ZC3H18: variants seen among roughly 807,000 people sequenced by gnomAD.
The protein encoded by ZC3H18 is zinc finger CCCH domain-containing protein 18.
Under a neutral mutation model 106.1 loss-of-function variants are expected in ZC3H18, and 8 were observed. That is an observed-to-expected ratio of 0.08 (90% confidence interval 0.04 to 0.14). ZC3H18 has a LOEUF of 0.14. ZC3H18 is among the 10% of genes least tolerant of loss of function. The probability of loss-of-function intolerance (pLI) is 1.00; values close to 1 mark genes in which losing one functional copy is unlikely to be tolerated. For missense variants in ZC3H18, 1,318 were observed against 1,278.4 expected, an observed-to-expected ratio of 1.03 and a Z score of -0.47; for synonymous variants, 635 against 522.1, an observed-to-expected ratio of 1.22 and a Z score of -2.95.
At chr16:88,618,097 T>G (rs1905735921) in intron 8 of ZC3H18, among the ~76,000 whole-genome samples, 1 of 152,198 alleles carries the variant, frequency 6.6e-6, no homozygotes, top group Non-Finnish European at 1.5e-5. Context: ...GCGCTGAGAC[T>G]GGCTCTTGCA....
chr16:88,571,729 A>G (rs1252736803), intron 1 of ZC3H18: 1 of 966,626 alleles, frequency 1.0e-6, no homozygotes, highest in Non-Finnish European at 1.2e-6. Flanking sequence ...TGTCACAGCT[A>G]CAGAGCATCT....
chr16:88,571,480 C>T (rs1223000429), intron 1 of ZC3H18: 2 of 331,430 alleles, frequency 6.0e-6, no homozygotes, highest in Non-Finnish European at 8.6e-6. Context: ...TTGACCTCGG[C>T]TGAATCCCGC....
At chr16:88,581,807 C>G (rs115071137) in intron 2 of ZC3H18, among the ~76,000 whole-genome samples, 202 of 152,356 alleles carry the variant, frequency 1.3e-3, no homozygotes, top group African/African-American at 4.7e-3. Context: ...CTCCCCAGAA[C>G]CACCTTTCCT....
intron 1 of ZC3H18, among the ~76,000 whole-genome samples, chr16:88,570,822 C>T (rs1011570209): frequency 6.6e-6 from 1 of 152,176 alleles, no homozygotes; most frequent in Non-Finnish European, 1.5e-5. Flanking sequence ...TCGCGCGCTG[C>T]CTCCGCGCCC....
chr16:88,623,972 C>A lies in ZC3H18; in HGVS notation c.1808C>A (p.Ser603Tyr), dbSNP rs748260869. Reference protein sequence around the residue: ...SGSRSRSRSFSSSPSPSPTPS... With the variant: ...SGSRSRSRSFYSSPSPSPTPS... ...CACTCCCCTAGGTCCCGGTCCTTCT[C>A]TTCGTCCCCGTCCCCGTCCCCAACA... Residue 603 changes from serine to tyrosine, a missense_variant, in exon 11 of 18, where the codon TCT (serine) becomes TAT (tyrosine). Around this residue, in one of 6 missense-constraint regions of ZC3H18, gnomAD observed 848 missense variants for 821.7 expected, o/e 1.03. Coordinates refer to ENST00000301011, the MANE Select transcript of ZC3H18 (RefSeq NM_144604.4). The A allele has an allele frequency of 6.2e-7, 1 of 1,612,672 alleles. No homozygotes were observed.
At chr16:88,611,568 G>T in intron 8 of ZC3H18, 32 bp downstream of exon 8, 6 of 1,544,544 alleles carry the variant, frequency 3.9e-6, no homozygotes, top group South Asian at 2.4e-5. Flanking sequence ...CCAGGGGTGT[G>T]GGGGAGGTCC....
intron 16 of ZC3H18, 136 bp downstream of exon 16, chr16:88,628,990 G>A: frequency 1.3e-6 from 1 of 779,336 alleles, no homozygotes. Flanking sequence ...GATGATGCCT[G>A]TCGGTATTTA....
chr16:88,628,330 C>T (rs1488306837), intron 15 of ZC3H18, among the ~76,000 whole-genome samples: 1 of 152,010 alleles, frequency 6.6e-6, no homozygotes, highest in Non-Finnish European at 1.5e-5. Flanking sequence ...GTGCTGCTGG[C>T]CTCTCTCTGA....
In ZC3H18 at chr16:88,630,522, C is replaced by T. The variant is rs1312995201; in HGVS notation, c.2604C>T (p.Ser868=). ...GGAAGTCAGGTGGGAGACTGGGCTCCCCGAAGCCAGAGCGGCAGAGAGGCC... is the reference window on the plus strand; with the variant it reads ...GGAAGTCAGGTGGGAGACTGGGCTCTCCGAAGCCAGAGCGGCAGAGAGGCC... ...RDRKSGGRLG[S]PKPERQRGQN... Residue 868 remains serine (S), a synonymous_variant, in exon 17 of 18, where the codon TCC becomes TCT. Transcript: ENST00000301011. 2 of 1,613,354 alleles carry T rather than the reference C, an allele frequency of 1.2e-6. No individual in the cohort carries two copies. The highest frequency in any genetic ancestry group is 1.1e-5 in the South Asian group (1 of 90,934).
At chr16:88,574,667 ATTTTTTT>A (rs35816940) in intron 1 of ZC3H18, among the ~76,000 whole-genome samples, 11 of 79,858 alleles carry the variant, frequency 1.4e-4, no homozygotes, top group Admixed American at 4.4e-4. Flanking sequence ...CACCCAGCTA[ATTTTTTT>A]TTTTTTTTTT....
At position 88,586,751 on chromosome 16, in the gene ZC3H18, G is replaced by C. The variant is rs116632930; in HGVS notation, c.688+67G>C. Reference sequence around the variant, plus strand: ...CCCCACCTTCTGGGGCTGTGGTGCTGGCTCACCTTGCCAGGCCCTGCTCTG... The same window carrying C: ...CCCCACCTTCTGGGGCTGTGGTGCTCGCTCACCTTGCCAGGCCCTGCTCTG... On this transcript the variant is annotated intron_variant, in intron 3 of 17. Transcript: ENST00000301011. 2.0e-3 allele frequency: 2,613 copies of C among 1,311,716 alleles called. 33 individuals carry two copies. In the African/African-American group the frequency reaches 0.03, roughly 15 times the overall value. The allele number at this position is 1,311,716 out of a possible 1,614,324, so 81.3% of individuals were successfully genotyped here.
chr16:88,591,039 C>T (rs1371990921), intron 3 of ZC3H18, among the ~76,000 whole-genome samples: 3 of 150,428 alleles, frequency 2.0e-5, no homozygotes, highest in Non-Finnish European at 1.5e-5. Flanking sequence ...GGCACCATCT[C>T]GGCTCACTGC....
rs1906140986 is a variant in ZC3H18, at chr16:88,624,063, G to A, written c.1898+1G>A. ...CGGCCCCGCCGCCCGGGAAAGCAGG[G>A]TGAGTGCCCAGCCTGTGGGCAAGTC... On this transcript the variant is annotated splice_donor_variant, in intron 11 of 17. Coordinates refer to ENST00000301011, the MANE Select transcript of ZC3H18 (RefSeq NM_144604.4). LOFTEE classifies it high-confidence loss of function. 6.2e-7 allele frequency: 1 copy of A among 1,613,704 alleles called. No individual in the cohort carries two copies. Among genetic ancestry groups the A allele is most frequent in the Admixed American group, 1.7e-5 (1 of 59,978 alleles).
chr16:88,582,883 T>C (rs949545813), intron 2 of ZC3H18, among the ~76,000 whole-genome samples: 2 of 152,234 alleles, frequency 1.3e-5, no homozygotes, highest in African/African-American at 4.8e-5. Flanking sequence ...TGCACAGGAT[T>C]GCTGTGTACC....
intron 8 of ZC3H18, among the ~76,000 whole-genome samples, chr16:88,615,547 T>G (rs1379880524): frequency 6.6e-6 from 1 of 152,228 alleles, no homozygotes; most frequent in Non-Finnish European, 1.5e-5. Context: ...AATTGATTGT[T>G]ACAGGGTTGC....
Position 88,577,122 on chromosome 16 carries a change from C to G in ZC3H18, c.-2C>G. 6.5e-7 allele frequency: 1 copy of G among 1,534,884 alleles called. No individual in the cohort carries two copies. Among genetic ancestry groups the G allele is most frequent in the Non-Finnish European group, 8.8e-7 (1 of 1,139,596 alleles). On this transcript the variant is annotated 5_prime_UTR_variant, in exon 2 of 18. Coordinates refer to ENST00000301011, the MANE Select transcript of ZC3H18 (RefSeq NM_144604.4). The stretch of plus-strand genomic sequence containing the variant: ...CTCTCTTTTGCAGAACCGTGGGTAC[C>G]GATGGATGTGGCCGAGAGCCCTGAA...
At chr16:88,593,122 C>G (rs886424186) in intron 3 of ZC3H18, among the ~76,000 whole-genome samples, 6 of 152,206 alleles carry the variant, frequency 3.9e-5, no homozygotes, top group Non-Finnish European at 8.8e-5. Flanking sequence ...CTTTACTGCA[C>G]TCAGCCACTC....
chr16:88,584,764 A>G lies in ZC3H18; in HGVS notation c.604-1836A>G, dbSNP rs192225561. Reference sequence around the variant, plus strand: ...CTCCCTCCAATCTTAAGGTGGTTACATTGTTCTCCTTTTTTGCTTCTGTGA... The same window carrying G: ...CTCCCTCCAATCTTAAGGTGGTTACGTTGTTCTCCTTTTTTGCTTCTGTGA... On this transcript the variant is annotated intron_variant, in intron 2 of 17. Coordinates refer to ENST00000301011, the MANE Select transcript of ZC3H18 (RefSeq NM_144604.4). Among the ~76,000 whole-genome samples the G allele has an allele frequency of 4.6e-5, 7 of 152,226 alleles. No homozygotes were observed. In the East Asian group the frequency reaches 1.4e-3, roughly 29 times the overall value.
intron 10 of ZC3H18, chr16:88,623,631 C>A: frequency 1.8e-6 from 1 of 563,472 alleles, no homozygotes; most frequent in East Asian, 3.1e-5. Flanking sequence ...GGGCCAGACC[C>A]AGCCCTGTCC....
Sources: gnomAD v4.1 joint callset for allele counts (sites outside exome capture counted in the v4.1 genomes callset) on GRCh38, gnomAD v4.1.1 for gene constraint, gnomAD v4.1.1 regional missense constraint, MANE v1.5 for transcripts, NCBI Gene and HGNC (gene_info 2026-07-23, HGNC 2026-07-21) for gene names.